Variants in RGS6 observed in about 807,000 individuals in gnomAD.
The protein encoded by RGS6 is regulator of G protein signaling 6, also known as regulator of G-protein signaling 6.
In RGS6, 30 loss-of-function variants were observed where a neutral mutation model predicts 78.5. The ratio of observed to expected loss-of-function variants is 0.38; its 90% CI spans 0.29 to 0.52. RGS6 has a LOEUF of 0.52. Ranked by LOEUF, RGS6 falls within the 20% of genes least tolerant of loss-of-function variation. The probability of loss-of-function intolerance (pLI) is 0.85; values close to 1 mark genes in which losing one functional copy is unlikely to be tolerated. For synonymous variants in RGS6, 206 were observed against 206.0 expected (o/e 1.00, Z 0.00); for missense variants, 495 against 609.7 (o/e 0.81, Z 1.98).
intron 3 of RGS6, among the ~76,000 whole-genome samples, chr14:72,413,470 G>A (rs555218247): frequency 8.1e-4 from 122 of 151,202 alleles, no homozygotes; most frequent in African/African-American, 2.5e-3. Flanking sequence ...GTCTCTGCAC[G>A]TGAGATGGGT....
chr14:72,427,096 C>A (rs1296000560), intron 3 of RGS6, among the ~76,000 whole-genome samples: 1 of 152,174 alleles, frequency 6.6e-6, no homozygotes, highest in Non-Finnish European at 1.5e-5. Context: ...CCATGTGAGT[C>A]ATCTTGAAAG....
intron 15 of RGS6, 108 bp from the exon 16 acceptor site, chr14:72,536,078 C>T (rs1478684876): frequency 1.2e-6 from 1 of 830,896 alleles, no homozygotes; most frequent in Non-Finnish European, 2.0e-6. Context: ...GCAAACATAC[C>T]TAGGTTCCTT....
At chr14:72,443,047 G>T (rs1481746833) in intron 3 of RGS6, among the ~76,000 whole-genome samples, 1 of 152,188 alleles carries the variant, frequency 6.6e-6, no homozygotes, top group East Asian at 1.9e-4. Flanking sequence ...CTGTAGCAAA[G>T]GCCTGGGGAG....
chr14:72,488,051 T>TATGTA (rs2153392543), intron 12 of RGS6, among the ~76,000 whole-genome samples: 1 of 152,314 alleles, frequency 6.6e-6, no homozygotes, highest in African/African-American at 2.4e-5. Flanking sequence ...ACATTCAAAA[T>TATGTA]ATGTATGCCC....
intron 1 of RGS6, among the ~76,000 whole-genome samples, chr14:71,947,263 A>T (rs192257647): frequency 1.4e-3 from 216 of 152,252 alleles, no homozygotes; most frequent in African/African-American, 5.0e-3. Flanking sequence ...ACTTTATTTA[A>T]CTTAGTTGGC....
intron 2 of RGS6, among the ~76,000 whole-genome samples, chr14:72,259,643 C>T (rs1157576357): frequency 1.3e-5 from 2 of 151,676 alleles, no homozygotes; most frequent in Admixed American, 1.3e-4. Context: ...CGCGGTGGCT[C>T]ACGCCTGTAA....
chr14:71,902,662 G>A, the RGS6 span, among the ~76,000 whole-genome samples: 13 of 152,134 alleles, frequency 8.5e-5, no homozygotes, highest in African/African-American at 2.9e-4. Flanking sequence ...GATATAGTTA[G>A]AGAAATAGAA....
chr14:72,148,526 A>G (rs1470418598), intron 2 of RGS6, among the ~76,000 whole-genome samples: 1 of 152,204 alleles, frequency 6.6e-6, no homozygotes, highest in Non-Finnish European at 1.5e-5. Flanking sequence ...GAGTGGTAGT[A>G]AGATCATCCA....
intron 3 of RGS6, among the ~76,000 whole-genome samples, chr14:72,434,343 G>A (rs754750682): frequency 4.6e-5 from 7 of 152,090 alleles, no homozygotes; most frequent in African/African-American, 1.7e-4. Context: ...TCTCTAAAAA[G>A]TTTTCATTTT....
chr14:72,391,989 A>G (rs1277500356), intron 3 of RGS6, among the ~76,000 whole-genome samples: 3 of 151,916 alleles, frequency 2.0e-5, no homozygotes, highest in Non-Finnish European at 4.4e-5. Context: ...TTCTTTATCC[A>G]GTCTATTATT....
rs34953560 is a variant in RGS6 at position 72,504,921 on chromosome 14, ATTTTTTTTTTT to A, written c.966-5215_966-5205del. Among the ~76,000 whole-genome samples the A allele has an allele frequency of 4.6e-3, 349 of 76,098 alleles. 3 individuals are homozygous for A. Among genetic ancestry groups the A allele is most frequent in the African/African-American group, 0.017 (326 of 19,518 alleles). The allele number at this position is 76,098 out of a possible 152,430, so 49.9% of individuals were successfully genotyped here. A position where few individuals can be genotyped will look rare whatever the true frequency, so the allele number is the denominator to read the frequency against. On this transcript the variant is annotated intron_variant, in intron 13 of 17. Coordinates refer to ENST00000553525, the MANE Select transcript of RGS6 (RefSeq NM_001204424.2). ...AGGTGCCCACCACCACGCCCAGCTA[ATTTTTTTTTTT>A]TTTTTTTTTTTTTTTTTGTATTTTT...
chr14:72,019,528 G>T (rs111901613), intron 2 of RGS6, among the ~76,000 whole-genome samples: 67 of 152,204 alleles, frequency 4.4e-4, no homozygotes, highest in African/African-American at 1.5e-3. Context: ...TAGATCTCCA[G>T]GGAATTAATA....
chr14:72,491,178 C>G (rs2096573073), intron 12 of RGS6, among the ~76,000 whole-genome samples: 1 of 152,000 alleles, frequency 6.6e-6, no homozygotes, highest in African/African-American at 2.4e-5. Flanking sequence ...GCTGGCAATG[C>G]TTAAGGAAAA....
intron 2 of RGS6, among the ~76,000 whole-genome samples, chr14:71,996,731 T>C (rs944036583): frequency 1.3e-5 from 2 of 149,668 alleles, no homozygotes; most frequent in Non-Finnish European, 1.5e-5. Flanking sequence ...ACATCTAAGC[T>C]GAGAACTGAA....
At chr14:72,130,524 A>G (rs2096291506) in intron 2 of RGS6, among the ~76,000 whole-genome samples, 1 of 152,186 alleles carries the variant, frequency 6.6e-6, no homozygotes, top group African/African-American at 2.4e-5. Flanking sequence ...GATACAGCTC[A>G]AAGGGGTTCA....
intron 13 of RGS6, among the ~76,000 whole-genome samples, chr14:72,506,543 A>G (rs2096802453): frequency 1.3e-5 from 2 of 152,246 alleles, no homozygotes; most frequent in Non-Finnish European, 2.9e-5. Context: ...CAAGTGATAC[A>G]GAAGAGATAT....
intron 3 of RGS6, among the ~76,000 whole-genome samples, chr14:72,425,552 A>G (rs1486534903): frequency 6.6e-6 from 1 of 152,226 alleles, no homozygotes; most frequent in Non-Finnish European, 1.5e-5. Context: ...ATAAATACCG[A>G]TGGCCAATAA....
the RGS6 span, among the ~76,000 whole-genome samples, chr14:72,616,904 G>T: frequency 6.6e-6 from 1 of 152,182 alleles, no homozygotes; most frequent in Non-Finnish European, 1.5e-5. Flanking sequence ...AAGCTGGCTT[G>T]CTATCCCCGC....
At chr14:71,952,472 C>T (rs1420122099) in intron 1 of RGS6, among the ~76,000 whole-genome samples, 1 of 151,588 alleles carries the variant, frequency 6.6e-6, no homozygotes, top group African/African-American at 2.4e-5. Context: ...CCATATCTAC[C>T]TTTCTAGATT....
Sources: allele counts gnomAD v4.1 joint callset (sites outside exome capture counted in the v4.1 genomes callset), GRCh38; gene constraint gnomAD v4.1.1; transcripts MANE v1.5; gene names NCBI Gene and HGNC (gene_info 2026-07-23, HGNC 2026-07-21).